The following PLXDC2 variants were observed in gnomAD, a reference collection of about 807,000 sequenced individuals.
PLXDC2 encodes plexin domain-containing protein 2.
Under a neutral mutation model 68.9 loss-of-function variants are expected in PLXDC2, and 40 were observed. That is an observed-to-expected ratio of 0.58 (90% CI 0.45 to 0.76). The LOEUF is 0.76. Among genes scored for constraint, PLXDC2 ranks in the 30% least tolerant of loss-of-function variants. The probability of loss-of-function intolerance (pLI) is 0.00; values close to 1 mark genes in which losing one functional copy is unlikely to be tolerated. For synonymous variants in PLXDC2, 243 were observed against 234.2 expected (o/e 1.04, Z -0.34); for missense variants, 644 against 661.9 (o/e 0.97, Z 0.30).
intron 9 of PLXDC2, among the ~76,000 whole-genome samples, chr10:20,202,192 A>G (rs764023131): frequency 1.2e-4 from 19 of 152,324 alleles, no homozygotes; most frequent in Admixed American, 4.6e-4. Context: ...AAAAGGAACA[A>G]GAAAAAAAGG....
chr10:19,960,360 T>C (rs958474404), intron 1 of PLXDC2, among the ~76,000 whole-genome samples: 5 of 152,028 alleles, frequency 3.3e-5, no homozygotes, highest in East Asian at 3.9e-4. Context: ...TGAGACCCTG[T>C]CTGTAAGATA....
chr10:20,094,555 AT>A (rs11394925), intron 4 of PLXDC2, among the ~76,000 whole-genome samples: 1 of 151,314 alleles, frequency 6.6e-6, no homozygotes, highest in Non-Finnish European at 1.5e-5. Flanking sequence ...GTTTTTCATT[AT>A]TTTTTTTTCT....
In PLXDC2 at chr10:20,237,418, A is replaced by G. The variant is rs556894974; in HGVS notation, c.1313-7927A>G. ...GATTATGAAAAATTACAAAAGACAT[A>G]AAACACCCAAAGAAACTCTGAATGA... On this transcript the variant is annotated intron_variant, in intron 12 of 13. Coordinates refer to ENST00000377252, the MANE Select transcript of PLXDC2 (RefSeq NM_032812.9). Among the ~76,000 whole-genome samples the G allele has an allele frequency of 3.9e-5, 6 of 152,360 alleles. No homozygotes were observed. In the East Asian group the frequency reaches 1.2e-3, roughly 29 times the overall value.
intron 1 of PLXDC2, among the ~76,000 whole-genome samples, chr10:19,983,354 T>C (rs1834584935): frequency 6.6e-6 from 1 of 152,242 alleles, no homozygotes; most frequent in Non-Finnish European, 1.5e-5. Flanking sequence ...AGAAACACTT[T>C]TCTTTACTAA....
At chr10:19,980,532 T>G (rs1834535221) in intron 1 of PLXDC2, among the ~76,000 whole-genome samples, 1 of 152,222 alleles carries the variant, frequency 6.6e-6, no homozygotes, top group African/African-American at 2.4e-5. Context: ...GGTTTGTAGC[T>G]GGCCTTCTGT....
At chr10:20,198,438 T>A (rs1369847166) in intron 9 of PLXDC2, among the ~76,000 whole-genome samples, 1 of 152,116 alleles carries the variant, frequency 6.6e-6, no homozygotes, top group Non-Finnish European at 1.5e-5. Flanking sequence ...ATCCCAATGT[T>A]TTATTTTTAA....
intron 13 of PLXDC2, among the ~76,000 whole-genome samples, chr10:20,278,691 A>G (rs1288869677): frequency 2.6e-5 from 4 of 152,102 alleles, no homozygotes; most frequent in African/African-American, 9.7e-5. Context: ...GCCATTAACC[A>G]TCGACATTGG....
intron 1 of PLXDC2, among the ~76,000 whole-genome samples, chr10:19,821,079 G>T (rs1481686107): frequency 6.6e-6 from 1 of 152,144 alleles, no homozygotes; most frequent in Non-Finnish European, 1.5e-5. Flanking sequence ...GGGAGACCCT[G>T]CCTCAAAATA....
chr10:20,226,129 T>C (rs928136462), intron 12 of PLXDC2, among the ~76,000 whole-genome samples: 2 of 152,250 alleles, frequency 1.3e-5, no homozygotes, highest in Non-Finnish European at 2.9e-5. Flanking sequence ...CTATACTTCC[T>C]GGCTTTCCTG....
chr10:20,050,560 T>C (rs564956930), intron 3 of PLXDC2, among the ~76,000 whole-genome samples: 1 of 152,142 alleles, frequency 6.6e-6, no homozygotes, highest in South Asian at 2.1e-4. Flanking sequence ...AACAGACACT[T>C]TTCAAAAGAA....
intron 1 of PLXDC2, among the ~76,000 whole-genome samples, chr10:19,990,658 T>C (rs963335745): frequency 3.9e-5 from 6 of 152,158 alleles, no homozygotes; most frequent in African/African-American, 7.2e-5. Context: ...TTTAGTATAG[T>C]TTTTACTGTC....
At chr10:19,901,695 A>G (rs73601634) in intron 1 of PLXDC2, among the ~76,000 whole-genome samples, 9,692 of 151,884 alleles carry the variant, frequency 0.064, 671 homozygotes, top group African/African-American at 0.18. Flanking sequence ...AGTCCCACCT[A>G]TTTATTTTGT....
At chr10:20,157,582 T>C (rs1372383210) in intron 6 of PLXDC2, among the ~76,000 whole-genome samples, 2 of 152,208 alleles carry the variant, frequency 1.3e-5, no homozygotes, top group Non-Finnish European at 2.9e-5. Flanking sequence ...GGGGTTCCTG[T>C]GTGCTGGAGA....
At chr10:20,085,504 A>T (rs1252085333) in intron 4 of PLXDC2, among the ~76,000 whole-genome samples, 6 of 152,192 alleles carry the variant, frequency 3.9e-5, no homozygotes, top group African/African-American at 1.2e-4. Flanking sequence ...TAGCATCCAC[A>T]TTTTTGTTGC....
At chr10:19,982,899 A>G (rs1834576537) in intron 1 of PLXDC2, among the ~76,000 whole-genome samples, 1 of 152,220 alleles carries the variant, frequency 6.6e-6, no homozygotes, top group African/African-American at 2.4e-5. Context: ...AGTAGATCTG[A>G]AAGTCCATTT....
intron 1 of PLXDC2, among the ~76,000 whole-genome samples, chr10:19,941,159 C>T (rs1227226708): frequency 1.3e-5 from 2 of 152,128 alleles, no homozygotes; most frequent in African/African-American, 2.4e-5. Flanking sequence ...TGGAAACTTC[C>T]AAAGACACTT....
chr10:19,920,302 T>A (rs1833438456), intron 1 of PLXDC2, among the ~76,000 whole-genome samples: 1 of 152,118 alleles, frequency 6.6e-6, no homozygotes, highest in African/African-American at 2.4e-5. Context: ...CAGACCTAGG[T>A]GAGGACAGGC....
chr10:20,270,942 TAAA>T lies in PLXDC2; in HGVS notation c.1474-8751_1474-8749del, dbSNP rs34934677. On this transcript the variant is annotated intron_variant, in intron 13 of 13. Coordinates refer to ENST00000377252, the MANE Select transcript of PLXDC2 (RefSeq NM_032812.9). ...CTGATGGTCAAGAAATTGGGTATCT[TAAA>T]AAAAAAAAACTGGAAAAAAAAAAGG... Among the ~76,000 whole-genome samples the T allele has an allele frequency of 6.2e-4, 87 of 140,240 alleles. 1 individual carries two copies. Among genetic ancestry groups the T allele is most frequent in the Middle Eastern group, 3.6e-3 (1 of 278 alleles). The allele number at this position is 140,240 out of a possible 152,430, so 92.0% of individuals were successfully genotyped here. A position where few individuals can be genotyped will look rare whatever the true frequency, so the allele number is the denominator to read the frequency against.
intron 1 of PLXDC2, among the ~76,000 whole-genome samples, chr10:19,923,768 T>A (rs1326107582): frequency 6.6e-6 from 1 of 152,206 alleles, no homozygotes; most frequent in Non-Finnish European, 1.5e-5. Flanking sequence ...CATTACTATT[T>A]ATCAGTATAT....
Sources: gnomAD v4.1 joint callset for allele counts (sites outside exome capture counted in the v4.1 genomes callset) on GRCh38, gnomAD v4.1.1 for gene constraint, MANE v1.5 for transcripts, NCBI Gene and HGNC (gene_info 2026-07-23, HGNC 2026-07-21) for gene names.